The following CADM2 variants were observed in gnomAD, a reference collection of about 807,000 sequenced individuals.
CADM2 encodes the protein immunoglobulin superfamily member 4D.
In CADM2, 12 loss-of-function variants were observed where a neutral mutation model predicts 49.8. The observed-to-expected ratio is 0.24, with a 90% CI of 0.15 to 0.39. CADM2 has a LOEUF of 0.39. Ranked by LOEUF, CADM2 falls within the 10% of genes least tolerant of loss-of-function variation. The pLI is 1.00. For synonymous variants in CADM2, 214 were observed against 175.4 expected (o/e 1.22, Z -1.74); for missense variants, 378 against 492.3 (o/e 0.77, Z 2.20).
chr3:85,685,371 G>A (rs940653457), intron 1 of CADM2, among the ~76,000 whole-genome samples: 3 of 152,088 alleles, frequency 2.0e-5, no homozygotes, highest in African/African-American at 7.2e-5. Context: ...AATCACCACA[G>A]ACAGTAGAAC....
At chr3:85,119,310 G>T (rs2107586975) in intron 1 of CADM2, among the ~76,000 whole-genome samples, 1 of 152,182 alleles carries the variant, frequency 6.6e-6, no homozygotes, top group East Asian at 1.9e-4. Flanking sequence ...CCCGGAGCCT[G>T]AGGTGGCATT....
chr3:85,013,917 A>G (rs943186406), intron 1 of CADM2, among the ~76,000 whole-genome samples: 1 of 146,978 alleles, frequency 6.8e-6, no homozygotes, highest in Admixed American at 6.9e-5. Context: ...CCTCAGTACA[A>G]TATTATATAT....
Position 85,027,109 on chromosome 3 carries a change from C to CTTTTCT in CADM2, c.61+67445_61+67446insCTTTTT, listed in dbSNP as rs1317386284. ...TGGTTGTTGTTGCTTTTTCTTTTTC[C>CTTTTCT]TTTTTTTTTTTTTTTTTTTTTTTAA... On this transcript the variant is annotated intron_variant, in intron 1 of 9. Transcript: ENST00000383699. Among the ~76,000 whole-genome samples the CTTTTCT allele has an allele frequency of 6.6e-3, 368 of 55,742 alleles. 28 individuals carry two copies. The highest frequency in any genetic ancestry group is 0.035 in the African/African-American group (358 of 10,324). 36.6% of individuals were successfully genotyped at this position (55,742 alleles called of 152,430 possible).
rs898036544 is a variant in CADM2, at chr3:85,082,749, A to G, written c.61+123081A>G. Among the ~76,000 whole-genome samples the G allele has an allele frequency of 2.0e-5, 3 of 152,140 alleles. No homozygotes were observed. The South Asian group carries it at 6.2e-4, about 31-fold the overall frequency. On this transcript the variant is annotated intron_variant, in intron 1 of 9. Coordinates refer to ENST00000383699, the MANE Select transcript of CADM2 (RefSeq NM_001167675.2). ...TGATTTTTCAGTAAAAGCCAGAATG[A>G]GGAGCCATCATATTACAAGTAGTCT...
intron 7 of CADM2, among the ~76,000 whole-genome samples, chr3:85,942,679 G>A (rs1722094959): frequency 6.6e-6 from 1 of 151,526 alleles, no homozygotes; most frequent in Admixed American, 6.6e-5. Flanking sequence ...ATTTTTTATG[G>A]CTGCATAGTA....
chr3:85,989,828 A>G (rs1728540035), intron 8 of CADM2, among the ~76,000 whole-genome samples: 2 of 151,902 alleles, frequency 1.3e-5, no homozygotes, highest in African/African-American at 4.8e-5. Context: ...CCTGCCCAAC[A>G]TGGTGAAACC....
At chr3:85,940,645 C>T (rs767760847) in intron 7 of CADM2, among the ~76,000 whole-genome samples, 7 of 151,948 alleles carry the variant, frequency 4.6e-5, no homozygotes, top group Non-Finnish European at 8.8e-5. Context: ...TATAGAAAAC[C>T]TCTAATTAAT....
At chr3:85,780,571 A>T (rs1176639924) in intron 2 of CADM2, among the ~76,000 whole-genome samples, 1 of 152,140 alleles carries the variant, frequency 6.6e-6, no homozygotes, top group Non-Finnish European at 1.5e-5. Flanking sequence ...TCTTCATTTG[A>T]TCACTTCCCA....
intron 1 of CADM2, among the ~76,000 whole-genome samples, chr3:85,576,353 G>A (rs1158799137): frequency 6.6e-6 from 1 of 152,060 alleles, no homozygotes; most frequent in South Asian, 2.1e-4. Context: ...CACACAAAGT[G>A]ATCTCATTTG....
At chr3:85,456,593 ATCTACTTC>A (rs369815643) in intron 1 of CADM2, among the ~76,000 whole-genome samples, 154 of 152,302 alleles carry the variant, frequency 1.0e-3, no homozygotes, top group African/African-American at 3.6e-3. Context: ...TTAACATATC[ATCTACTTC>A]TCTTGAACCT....
chr3:85,281,085 G>A (rs1259383486), intron 1 of CADM2, among the ~76,000 whole-genome samples: 1 of 151,824 alleles, frequency 6.6e-6, no homozygotes, highest in Non-Finnish European at 1.5e-5. Context: ...ATATATTTGG[G>A]AATGTATGTA....
At chr3:85,239,116 C>T (rs772421076) in intron 1 of CADM2, among the ~76,000 whole-genome samples, 3 of 151,784 alleles carry the variant, frequency 2.0e-5, no homozygotes, top group African/African-American at 4.8e-5. Flanking sequence ...GGCCCTTTAT[C>T]ACTCAATGTC....
At chr3:85,734,822 A>G (rs2068067277) in intron 2 of CADM2, among the ~76,000 whole-genome samples, 1 of 150,296 alleles carries the variant, frequency 6.7e-6, no homozygotes, top group African/African-American at 2.4e-5. Context: ...TTTAAATATA[A>G]TAGACACGTT....
intron 1 of CADM2, among the ~76,000 whole-genome samples, chr3:85,363,492 T>A (rs556385333): frequency 6.8e-4 from 103 of 152,220 alleles, no homozygotes; most frequent in African/African-American, 2.5e-3. Flanking sequence ...TGCTAACAAC[T>A]TTCAGTGTCA....
At chr3:85,120,801 C>A (rs1322960270) in intron 1 of CADM2, among the ~76,000 whole-genome samples, 2 of 151,682 alleles carry the variant, frequency 1.3e-5, no homozygotes, top group African/African-American at 4.8e-5. Flanking sequence ...CGTTCTTACC[C>A]CAGAACTTAA....
At chr3:85,242,152 T>C (rs2042546203) in intron 1 of CADM2, among the ~76,000 whole-genome samples, 1 of 151,234 alleles carries the variant, frequency 6.6e-6, no homozygotes, top group African/African-American at 2.4e-5. Context: ...TATGAACTTT[T>C]CTGGTATAAA....
At chr3:85,380,392 A>G (rs1188222849) in intron 1 of CADM2, among the ~76,000 whole-genome samples, 1 of 151,990 alleles carries the variant, frequency 6.6e-6, no homozygotes, top group Non-Finnish European at 1.5e-5. Context: ...TATGGGACTC[A>G]GAATAACAGT....
At chr3:85,032,860 T>C (rs1382410914) in intron 1 of CADM2, among the ~76,000 whole-genome samples, 1 of 152,204 alleles carries the variant, frequency 6.6e-6, no homozygotes, top group Non-Finnish European at 1.5e-5. Context: ...CCTGCCAATT[T>C]AATGAAAGAC....
chr3:85,561,337 G>A (rs1530740), intron 1 of CADM2, among the ~76,000 whole-genome samples: 77,934 of 151,932 alleles, frequency 0.51, 23,058 homozygotes, highest in East Asian at 0.85. Context: ...TAAGTTCAAC[G>A]TCATTACACT....
Sources: allele counts gnomAD v4.1 joint callset (sites outside exome capture counted in the v4.1 genomes callset), GRCh38; gene constraint gnomAD v4.1.1; transcripts MANE v1.5; gene names NCBI Gene and HGNC (gene_info 2026-07-23, HGNC 2026-07-21).